The following DERL2 variants were observed in gnomAD, a reference collection of about 807,000 sequenced individuals.
DERL2 encodes derlin-2.
In DERL2, 13 loss-of-function variants were observed where a neutral mutation model predicts 32.0. That is an observed-to-expected ratio of 0.41 (90% CI 0.26 to 0.65). DERL2 has a LOEUF of 0.65. Among genes scored for constraint, DERL2 ranks in the 30% least tolerant of loss-of-function variants. DERL2 has a pLI of 0.35. For missense variants in DERL2, 208 were observed against 296.3 expected, an observed-to-expected ratio of 0.70 and a Z score of 2.19; for synonymous variants, 111 against 104.7, an observed-to-expected ratio of 1.06 and a Z score of -0.37.
rs1352605366 is a variant in DERL2 at position 5,472,674 on chromosome 17, T to C, written c.*2010A>G. The stretch of plus-strand genomic sequence containing the variant: ...AAATGAACAGTGAGTTAACAGATTT[T>C]AGGATTAGTATTTTACCACAAAAAT... On this transcript the variant is annotated 3_prime_UTR_variant, in exon 7 of 7. Coordinates refer to ENST00000158771, the MANE Select transcript of DERL2 (RefSeq NM_016041.5). The C allele has an allele frequency of 1.3e-5, 2 of 152,106 alleles. No homozygotes were observed. Among genetic ancestry groups the C allele is most frequent in the Non-Finnish European group, 2.9e-5 (2 of 68,034 alleles). 9.4% of individuals were successfully genotyped at this position (152,106 alleles called of 1,614,324 possible).
At chr17:5,476,710 G>A (rs919764806) in intron 6 of DERL2, among the ~76,000 whole-genome samples, 1 of 152,222 alleles carries the variant, frequency 6.6e-6, no homozygotes, top group African/African-American at 2.4e-5. Context: ...GAACCCAGGA[G>A]GCGGAGGTTG....
rs1490864522 is a variant in DERL2 at position 5,482,647 on chromosome 17, A to C, written c.233+162T>G. 2.4e-4 allele frequency: 126 copies of C among 528,802 alleles called. 1 individual carries two copies. The South Asian group carries it at 2.6e-3, about 11-fold the overall frequency. The allele number at this position is 528,802 out of a possible 1,614,324, so 32.8% of individuals were successfully genotyped here. A position where few individuals can be genotyped will look rare whatever the true frequency, so the allele number is the denominator to read the frequency against. The stretch of plus-strand genomic sequence containing the variant: ...CATTTGAACAAAGTGACCTACAGAC[A>C]TTTTCAAAACATTACTACCTAAGCA... On this transcript the variant is annotated intron_variant, in intron 3 of 6. Transcript: ENST00000158771.
In DERL2 at chr17:5,473,447, A is replaced by G. The variant is rs1490398674; in HGVS notation, c.*1237T>C. ...GGTAATCCAGGTACTTGGCTCTGAA[A>G]AGGTTCTTGAATTTTCACGAAGCAA... On this transcript the variant is annotated 3_prime_UTR_variant, in exon 7 of 7. Coordinates refer to ENST00000158771, the MANE Select transcript of DERL2 (RefSeq NM_016041.5). 1 of 152,118 alleles carries G rather than the reference A, an allele frequency of 6.6e-6. No homozygotes were observed. Among genetic ancestry groups the G allele is most frequent in the Non-Finnish European group, 1.5e-5 (1 of 68,034 alleles). 9.4% of individuals were successfully genotyped at this position (152,118 alleles called of 1,614,324 possible).
intron 2 of DERL2, among the ~76,000 whole-genome samples, chr17:5,483,894 C>T (rs577640602): frequency 6.6e-6 from 1 of 152,324 alleles, no homozygotes; most frequent in African/African-American, 2.4e-5. Context: ...GATGACAGGA[C>T]TGCTTTACAG....
chr17:5,481,231 T>G lies in DERL2; in HGVS notation c.327+65A>C, dbSNP rs1805449. The G allele has an allele frequency of 9.4e-5, 109 of 1,164,676 alleles. No individual in the cohort carries two copies. In the African/African-American group the frequency reaches 1.5e-3, roughly 16 times the overall value. 72.1% of individuals were successfully genotyped at this position (1,164,676 alleles called of 1,614,324 possible). On this transcript the variant is annotated intron_variant, in intron 4 of 6. Coordinates refer to ENST00000158771, the MANE Select transcript of DERL2 (RefSeq NM_016041.5). This position sits in a 1 kb window ranked among gnomAD's most constrained non-coding sequence, Gnocchi z 4.4. ...GATCTAGAGAACTGTGGGAGACAGA[T>G]GACAAGCTTTAGGAAGAGCCAGGGT...
chr17:5,480,246 T>A (rs759340089), intron 5 of DERL2, 102 bp from the exon 6 acceptor site: 6 of 1,229,372 alleles, frequency 4.9e-6, no homozygotes, highest in Non-Finnish European at 6.9e-6. Context: ...AATGTCAACA[T>A]AATTATTAAA....
At chr17:5,485,860 G>A in intron 1 of DERL2, 1 of 447,086 alleles carries the variant, frequency 2.2e-6, no homozygotes, top group Non-Finnish European at 4.0e-6. Context: ...CTTAGAAACT[G>A]ACCTGACCCC....
At chr17:5,482,603 T>C (rs1245327194) in intron 3 of DERL2, 4 of 436,914 alleles carry the variant, frequency 9.2e-6, no homozygotes, top group African/African-American at 8.4e-5. Context: ...AGTGCTATCT[T>C]TTTATGGTTA....
chr17:5,481,092 G>A lies in DERL2; in HGVS notation c.327+204C>T. 3.3e-6 allele frequency: 2 copies of A among 614,010 alleles called. No homozygotes were observed. Among genetic ancestry groups the A allele is most frequent in the Non-Finnish European group, 5.7e-6 (2 of 348,426 alleles). The allele number at this position is 614,010 out of a possible 1,614,324, so 38.0% of individuals were successfully genotyped here. On this transcript the variant is annotated intron_variant, in intron 4 of 6. Coordinates refer to ENST00000158771, the MANE Select transcript of DERL2 (RefSeq NM_016041.5). This position sits in a 1 kb window ranked among gnomAD's most constrained non-coding sequence, Gnocchi z 4.4. The stretch of plus-strand genomic sequence containing the variant: ...AATGATATAACTGAGTTGCTTAACA[G>A]TAACCCACCTGGGTTAAAAGTTCCT...
At chr17:5,484,109 G>A (rs1312731172) in intron 2 of DERL2, among the ~76,000 whole-genome samples, 1 of 152,226 alleles carries the variant, frequency 6.6e-6, no homozygotes, top group Non-Finnish European at 1.5e-5. Context: ...GCAAGCTAGA[G>A]TTCAATGGAT....
At chr17:5,482,135 T>C (rs1185295442) in intron 3 of DERL2, 1 of 152,182 alleles carries the variant, frequency 6.6e-6, no homozygotes, top group Non-Finnish European at 1.5e-5. Flanking sequence ...TGAATTACGA[T>C]GAGAAAAAAC....
chr17:5,479,496 T>TAAAAAAAAAAAAAAAA (rs11306765), intron 6 of DERL2, among the ~76,000 whole-genome samples: 18 of 69,430 alleles, frequency 2.6e-4, no homozygotes, highest in East Asian at 8.4e-4. Flanking sequence ...AGACTCCATG[T>TAAAAAAAAAAAAAAAA]AAAAAAAAAA....
At chr17:5,475,417 G>A (rs949136539) in intron 6 of DERL2, among the ~76,000 whole-genome samples, 4 of 149,502 alleles carry the variant, frequency 2.7e-5, no homozygotes, top group South Asian at 2.3e-4. Flanking sequence ...CCGCCACCAC[G>A]CCCGGCTGAT....
chr17:5,475,826 A>G (rs1905347860), intron 6 of DERL2, among the ~76,000 whole-genome samples: 1 of 152,164 alleles, frequency 6.6e-6, no homozygotes, highest in African/African-American at 2.4e-5. Flanking sequence ...AATAAGAAAT[A>G]AGCCAGACAA....
upstream of DERL2, chr17:5,486,357 C>CT: frequency 7.0e-6 from 2 of 285,994 alleles, no homozygotes; most frequent in East Asian, 5.3e-5. Context: ...GTCGCCACCG[C>CT]CCCCCCCCAG....
chr17:5,473,021 T>C lies in DERL2; in HGVS notation c.*1663A>G, dbSNP rs558723612. On this transcript the variant is annotated 3_prime_UTR_variant, in exon 7 of 7. Transcript: ENST00000158771. ...TAAAATACTTAAATACCATTAGTTA[T>C]GCAATTCCATTTAAAGACATTAAAA... is the stretch of plus-strand genomic sequence containing the variant. 9.2e-5 allele frequency: 14 copies of C among 152,364 alleles called. No individual in the cohort carries two copies. In the South Asian group the frequency reaches 2.3e-3, roughly 25 times the overall value. The allele number at this position is 152,364 out of a possible 1,614,324, so 9.4% of individuals were successfully genotyped here. A position where few individuals can be genotyped will look rare whatever the true frequency, so the allele number is the denominator to read the frequency against.
intron 1 of DERL2, 103 bp downstream of exon 1, chr17:5,485,966 G>A (rs757269684): frequency 9.5e-7 from 1 of 1,047,856 alleles, no homozygotes; most frequent in Non-Finnish European, 1.4e-6. Context: ...ACCCATCCCC[G>A]GGACCAGCCC....
upstream of DERL2, chr17:5,486,493 A>C: frequency 9.5e-5 from 20 of 210,640 alleles, no homozygotes; most frequent in East Asian, 3.6e-4. Flanking sequence ...TTCTGTCATA[A>C]TTGAGGTGTC....
rs748066850 is a variant in DERL2, at chr17:5,482,778, T to A, written c.233+31A>T. On this transcript the variant is annotated intron_variant, in intron 3 of 6. Coordinates refer to ENST00000158771, the MANE Select transcript of DERL2 (RefSeq NM_016041.5). The stretch of plus-strand genomic sequence containing the variant: ...AATTTTTTACTTCCTAAGAAAAAGT[T>A]TTGATGCTGACCCCATTTAATAAAG... 2.4e-6 allele frequency: 3 copies of A among 1,255,598 alleles called. No individual in the cohort carries two copies. In the East Asian group the frequency reaches 7.1e-5, roughly 30 times the overall value. 77.8% of individuals were successfully genotyped at this position (1,255,598 alleles called of 1,614,324 possible).
Sources: allele counts gnomAD v4.1 joint callset (sites outside exome capture counted in the v4.1 genomes callset), GRCh38; gene constraint gnomAD v4.1.1; non-coding constraint Gnocchi (gnomAD v3.1); transcripts MANE v1.5; gene names NCBI Gene and HGNC (gene_info 2026-07-23, HGNC 2026-07-21).